The following MAP7 variants were observed in gnomAD, a reference collection of about 807,000 sequenced individuals.
MAP7 encodes ensconsin.
In MAP7, 52 loss-of-function variants were observed where a neutral mutation model predicts 94.8. That is an observed-to-expected ratio of 0.55 (90% confidence interval 0.44 to 0.69). MAP7 has a LOEUF of 0.69. Ranked by LOEUF, MAP7 falls within the 30% of genes least tolerant of loss-of-function variation. The pLI is 0.00. For missense variants in MAP7, 940 were observed against 964.6 expected (o/e 0.97, Z 0.34); for synonymous variants, 350 against 357.0 (o/e 0.98, Z 0.22).
intron 1 of MAP7, among the ~76,000 whole-genome samples, chr6:136,478,577 A>G (rs139355583): frequency 5.6e-4 from 86 of 152,334 alleles, no homozygotes; most frequent in African/African-American, 2.0e-3. Context: ...TAAGAAAAAA[A>G]GAGACATAAT....
chr6:136,364,112 C>A, intron 10 of MAP7: 1 of 329,030 alleles, frequency 3.0e-6, no homozygotes. Flanking sequence ...AGTGCCAGCC[C>A]CACACTTGCT....
Position 136,343,873 on chromosome 6 carries a change from T to C in MAP7, c.*355A>G, listed in dbSNP as rs1787018011. On this transcript the variant is annotated 3_prime_UTR_variant, in exon 18 of 18. Coordinates refer to ENST00000354570, the MANE Select transcript of MAP7 (RefSeq NM_003980.6). ...AAAAATTTTTTTTGCCAATTTTACA[T>C]GTTAAGCTTTTAAGACCAAAAAAAT... The C allele has an allele frequency of 6.0e-6, 1 of 167,042 alleles. No homozygotes were observed. Among genetic ancestry groups the C allele is most frequent in the Non-Finnish European group, 1.3e-5 (1 of 78,172 alleles). 10.3% of individuals were successfully genotyped at this position (167,042 alleles called of 1,614,324 possible).
At chr6:136,545,129 C>T (rs968930112) in intron 1 of MAP7, 5 of 152,178 alleles carry the variant, frequency 3.3e-5, no homozygotes, top group African/African-American at 1.2e-4. Flanking sequence ...GCAGGAATCT[C>T]AAAGTTGGTG....
At chr6:136,371,665 T>A (rs1465319843) in intron 8 of MAP7, among the ~76,000 whole-genome samples, 1 of 152,232 alleles carries the variant, frequency 6.6e-6, no homozygotes, top group African/African-American at 2.4e-5. Flanking sequence ...GTCATACTGT[T>A]ATCCTGGAGA....
At chr6:136,387,516 G>A (rs1015847639) in intron 5 of MAP7, among the ~76,000 whole-genome samples, 4 of 152,116 alleles carry the variant, frequency 2.6e-5, no homozygotes, top group Admixed American at 6.5e-5. Flanking sequence ...TTAGGCATGC[G>A]TTGATGACTA....
intron 8 of MAP7, among the ~76,000 whole-genome samples, chr6:136,369,555 AGAGT>A (rs1158847266): frequency 2.1e-5 from 3 of 142,264 alleles, no homozygotes; most frequent in Non-Finnish European, 3.1e-5. Context: ...CATGGGTGAC[AGAGT>A]GAGACTGTCT....
At chr6:136,420,041 C>T in intron 2 of MAP7, 2 of 847,600 alleles carry the variant, frequency 2.4e-6, no homozygotes, top group East Asian at 2.5e-5. Context: ...TGATAAACTT[C>T]CAAAGCCTTC....
At chr6:136,396,514 C>T (rs1338186833) in intron 3 of MAP7, among the ~76,000 whole-genome samples, 1 of 152,116 alleles carries the variant, frequency 6.6e-6, no homozygotes, top group African/African-American at 2.4e-5. Context: ...GACAATTTTA[C>T]TTCCTCCTTT....
At chr6:136,455,706 G>C (rs1343134379) in intron 1 of MAP7, among the ~76,000 whole-genome samples, 2 of 152,002 alleles carry the variant, frequency 1.3e-5, no homozygotes, top group Non-Finnish European at 2.9e-5. Context: ...CAATGAATGG[G>C]TCTTTAACAA....
chr6:136,374,770 A>G (rs1775582428), intron 7 of MAP7, among the ~76,000 whole-genome samples: 1 of 152,208 alleles, frequency 6.6e-6, no homozygotes, highest in Admixed American at 6.5e-5. Context: ...AATTTAGTCC[A>G]AAGAACATCT....
intron 2 of MAP7, among the ~76,000 whole-genome samples, chr6:136,419,423 A>C (rs1004110813): frequency 6.6e-6 from 1 of 152,178 alleles, no homozygotes; most frequent in Non-Finnish European, 1.5e-5. Flanking sequence ...TATTTTTTTG[A>C]AACACATTTA....
intron 1 of MAP7, among the ~76,000 whole-genome samples, chr6:136,545,892 T>C (rs1829700424): frequency 6.6e-6 from 1 of 152,260 alleles, no homozygotes; most frequent in Non-Finnish European, 1.5e-5. Flanking sequence ...CTCAAGCATT[T>C]ATCCTTTGTG....
At chr6:136,481,083 C>G (rs1424399618) in intron 1 of MAP7, among the ~76,000 whole-genome samples, 2 of 152,154 alleles carry the variant, frequency 1.3e-5, no homozygotes, top group Admixed American at 1.3e-4. Flanking sequence ...CATCTCACCC[C>G]CGTTAAAATG....
intron 1 of MAP7, among the ~76,000 whole-genome samples, chr6:136,434,369 A>C (rs1795801740): frequency 6.6e-6 from 1 of 152,018 alleles, no homozygotes; most frequent in African/African-American, 2.4e-5. Flanking sequence ...TTGTGATCTG[A>C]AAATATAATT....
chr6:136,436,850 A>G (rs920717739), intron 1 of MAP7, among the ~76,000 whole-genome samples: 1 of 152,224 alleles, frequency 6.6e-6, no homozygotes, highest in African/African-American at 2.4e-5. Context: ...ATAGCTCACC[A>G]AATTGATTTT....
intron 1 of MAP7, among the ~76,000 whole-genome samples, chr6:136,545,758 A>ATGTT (rs1554274879): frequency 6.6e-6 from 1 of 151,656 alleles, no homozygotes; most frequent in African/African-American, 2.4e-5. Flanking sequence ...ATTAAAACAA[A>ATGTT]TTTAATTTTT....
intron 11 of MAP7, among the ~76,000 whole-genome samples, chr6:136,361,617 A>C (rs909737): frequency 0.84 from 128,087 of 152,250 alleles, 53,971 homozygotes; most frequent in Admixed American, 0.88. Flanking sequence ...GAGCCAAGGG[A>C]AAGGCATGGC....
chr6:136,525,927 A>T, intron 1 of MAP7: 1 of 1,534,112 alleles, frequency 6.5e-7, no homozygotes, highest in Non-Finnish European at 8.7e-7. Context: ...GGTCTTCTTC[A>T]GTCTCTCATG....
chr6:136,363,880 A>G (rs574953783), intron 10 of MAP7, among the ~76,000 whole-genome samples: 1 of 152,380 alleles, frequency 6.6e-6, no homozygotes, highest in East Asian at 1.9e-4. Flanking sequence ...TGACAAGCTT[A>G]GTATCTTTCA....
Sources: gnomAD v4.1 joint callset for allele counts (sites outside exome capture counted in the v4.1 genomes callset) on GRCh38, gnomAD v4.1.1 for gene constraint, MANE v1.5 for transcripts, NCBI Gene and HGNC (gene_info 2026-07-23, HGNC 2026-07-21) for gene names.